Variants in RAVER1 observed in about 807,000 individuals in gnomAD.
RAVER1 encodes the protein ribonucleoprotein PTB-binding 1.
Under a neutral mutation model 68.4 loss-of-function variants are expected in RAVER1, and 36 were observed. The observed-to-expected ratio is 0.53, with a 90% CI of 0.40 to 0.70. The LOEUF (loss-of-function observed/expected upper bound fraction) is 0.70, where lower values mean the gene tolerates loss of function less well. RAVER1 is among the 30% of genes least tolerant of loss of function. The probability of loss-of-function intolerance (pLI) is 0.00; values close to 1 mark genes in which losing one functional copy is unlikely to be tolerated. For synonymous variants in RAVER1, 469 were observed against 472.7 expected (o/e 0.99, Z 0.10); for missense variants, 933 against 1,019.8 (o/e 0.91, Z 1.16).
At position 10,320,816 on chromosome 19, in the gene RAVER1, G is replaced by T; in HGVS notation, c.1609C>A (p.Arg537Ser). 1.3e-6 allele frequency: 2 copies of T among 1,526,400 alleles called. No individual in the cohort carries two copies. Among genetic ancestry groups the T allele is most frequent in the Non-Finnish European group, 1.7e-6 (2 of 1,144,450 alleles). 94.6% of individuals were successfully genotyped at this position (1,526,400 alleles called of 1,614,324 possible). ...RGWGGAGRSR[R>S]PAEGPPTNPP... The stretch of plus-strand genomic sequence containing the variant: ...TTAGTTGGGGGGCCCTCAGCTGGGC[G>T]GCGGCTTCTCCCGGCGCCTCCCCAG... The change falls in exon 9 of 13, where the codon CGC becomes AGC. Residue 537 changes from arginine to serine, a missense_variant. By Grantham distance (110) the Arg-to-Ser change is moderately radical. Coordinates refer to ENST00000617231, the MANE Select transcript of RAVER1 (RefSeq NM_133452.3).
intron 3 of RAVER1, among the ~76,000 whole-genome samples, chr19:10,327,698 C>T (rs771984653): frequency 6.6e-6 from 1 of 152,176 alleles, no homozygotes; most frequent in African/African-American, 2.4e-5. Flanking sequence ...GCCTTGGTAT[C>T]CTCACCTGAA....
intron 3 of RAVER1, among the ~76,000 whole-genome samples, chr19:10,324,371 C>A (rs909471057): frequency 6.6e-6 from 1 of 152,062 alleles, no homozygotes; most frequent in Non-Finnish European, 1.5e-5. Flanking sequence ...ATAACCAAAC[C>A]TGTCGGCTTT....
chr19:10,324,770 G>A (rs2040463042), intron 3 of RAVER1, among the ~76,000 whole-genome samples: 1 of 152,168 alleles, frequency 6.6e-6, no homozygotes, highest in African/African-American at 2.4e-5. Context: ...AGGGACTGAT[G>A]TGTGAACCTC....
intron 3 of RAVER1, among the ~76,000 whole-genome samples, chr19:10,324,275 T>A (rs1167136159): frequency 6.6e-6 from 1 of 152,170 alleles, no homozygotes; most frequent in Non-Finnish European, 1.5e-5. Context: ...CACCGGCACT[T>A]GCTGAATGCC....
chr19:10,319,054 C>T, intron 10 of RAVER1, 112 bp downstream of exon 10: 2 of 1,023,352 alleles, frequency 2.0e-6, no homozygotes, highest in Non-Finnish European at 2.9e-6. Flanking sequence ...TAAAAAAACC[C>T]ACAAAGAACA....
rs757777173 is a variant in RAVER1 at position 10,320,819 on chromosome 19, G to A, written c.1606C>T (p.Arg536Cys). The A allele has an allele frequency of 2.0e-5, 31 of 1,522,188 alleles. No individual in the cohort carries two copies. The Admixed American group carries it at 2.4e-4, about 12-fold the overall frequency. 94.3% of individuals were successfully genotyped at this position (1,522,188 alleles called of 1,614,324 possible). The stretch of plus-strand genomic sequence containing the variant: ...GTTGGGGGGCCCTCAGCTGGGCGGC[G>A]GCTTCTCCCGGCGCCTCCCCAGCCC... ...ARGWGGAGRSRRPAEGPPTNP... is the reference protein window; with the variant it reads ...ARGWGGAGRSCRPAEGPPTNP... Residue 536 changes from arginine (R) to cysteine (C), a missense_variant, in exon 9 of 13, where the codon CGC becomes TGC. Arg to Cys is a radical substitution (Grantham distance 180). This residue lies in a region of RAVER1 where 699 missense variants were observed against 731.1 expected (regional missense o/e 0.96). Coordinates refer to ENST00000617231, the MANE Select transcript of RAVER1 (RefSeq NM_133452.3).
chr19:10,318,810 A>G (rs1411727913), intron 10 of RAVER1, among the ~76,000 whole-genome samples: 1 of 152,214 alleles, frequency 6.6e-6, no homozygotes, highest in African/African-American at 2.4e-5. Context: ...GACGCCAAAT[A>G]TGTGAGGCCA....
At chr19:10,321,886 C>T in intron 6 of RAVER1, 1 of 298,394 alleles carries the variant, frequency 3.4e-6, no homozygotes. Flanking sequence ...TGGAATGGGA[C>T]AGCCACACAG....
At chr19:10,320,624 A>AG (rs34942709) in intron 9 of RAVER1, 31 bp downstream of exon 9, 244,674 of 1,526,148 alleles carry the variant, frequency 0.16, 21,570 homozygotes, top group Admixed American at 0.33. Flanking sequence ...ATTTGGCCTT[A>AG]GGGGACAGAG....
chr19:10,328,574 G>T lies in RAVER1; in HGVS notation c.756+68C>A. ...CAAAAAAAAAAAAGAAAAGGCAGAT[G>T]ACTCCAAAGACTCTCTCAGGTGCTC... On this transcript the variant is annotated intron_variant, in intron 3 of 12. Coordinates refer to ENST00000617231, the MANE Select transcript of RAVER1 (RefSeq NM_133452.3). The surrounding 1 kb of genome is among the most constrained non-coding windows in gnomAD (Gnocchi z 4.4). 7.0e-6 allele frequency: 7 copies of T among 1,002,886 alleles called. No individual in the cohort carries two copies. Among genetic ancestry groups the T allele is most frequent in the South Asian group, 1.7e-5 (1 of 60,210 alleles). 62.1% of individuals were successfully genotyped at this position (1,002,886 alleles called of 1,614,324 possible).
Position 10,317,640 on chromosome 19 carries a change from TG to T in RAVER1, c.2074-41del. On this transcript the variant is annotated intron_variant, in intron 12 of 12. Transcript: ENST00000617231. This position sits in a 1 kb window ranked among gnomAD's most constrained non-coding sequence, Gnocchi z 4.3. ...CAGGGCGGGGCGGGTCAGGGGCCGC[TG>T]GGGGGCCGGGGCTTCCCAGCCCTGC... is the stretch of plus-strand genomic sequence containing the variant. 1 of 1,542,098 alleles carries T rather than the reference TG, an allele frequency of 6.5e-7. No homozygotes were observed. Among genetic ancestry groups the T allele is most frequent in the Non-Finnish European group, 8.8e-7 (1 of 1,135,344 alleles).
chr19:10,319,212 T>C lies in RAVER1; in HGVS notation c.1799A>G (p.His600Arg). 6.2e-7 allele frequency: 1 copy of C among 1,613,666 alleles called. No homozygotes were observed. Among genetic ancestry groups the C allele is most frequent in the Non-Finnish European group, 8.5e-7 (1 of 1,179,734 alleles). The change falls in exon 10 of 13, where the codon CAC becomes CGC. Residue 600 changes from histidine (H) to arginine (R), a missense_variant. By Grantham distance (29) the His-to-Arg change is conservative. Transcript: ENST00000617231. ...SDMGPRRLFS[H>R]PREPALGPHG... ...AGGCCCAAGGGCTGGTTCCCGTGGG[T>C]GGGAGAAGAGCCGCCGAGGTCCCAT...
At chr19:10,321,797 A>G (rs778966399) in intron 6 of RAVER1, 179 bp from the exon 7 acceptor site, 13 of 417,578 alleles carry the variant, frequency 3.1e-5, no homozygotes, top group Non-Finnish European at 5.0e-5. Flanking sequence ...CCCATCAGCC[A>G]TGGTGACCGA....
chr19:10,324,524 G>A (rs2040461643), intron 3 of RAVER1, among the ~76,000 whole-genome samples: 1 of 152,034 alleles, frequency 6.6e-6, no homozygotes, highest in East Asian at 1.9e-4. Flanking sequence ...GATTACAGGT[G>A]TGCACCACCA....
rs1207632074 is a variant in RAVER1 at position 10,317,596 on chromosome 19, G to A, written c.2078C>T (p.Pro693Leu). Reference sequence around the variant, plus strand: ...AAAGCTGCGTTTCTGGCCGCCCAGTGGGGTCTGGAGACAGAGGGCAGGGCG... The same window carrying A: ...AAAGCTGCGTTTCTGGCCGCCCAGTAGGGTCTGGAGACAGAGGGCAGGGCG... ...PNGHSHLLKT[P>L]LGGQKRSFAH... Residue 693 changes from proline to leucine, a missense_variant, in exon 13 of 13, where the codon CCA becomes CTA. Around this residue, in one of 3 missense-constraint regions of RAVER1, gnomAD observed 699 missense variants for 731.1 expected, o/e 0.96. Transcript: ENST00000617231. This position sits in a 1 kb window ranked among gnomAD's most constrained non-coding sequence, Gnocchi z 4.3. The A allele has an allele frequency of 6.2e-7, 1 of 1,607,432 alleles. No homozygotes were observed. Among genetic ancestry groups the A allele is most frequent in the Non-Finnish European group, 8.5e-7 (1 of 1,177,498 alleles).
At chr19:10,332,122 G>A (rs1386389254) in intron 1 of RAVER1, among the ~76,000 whole-genome samples, 1 of 152,106 alleles carries the variant, frequency 6.6e-6, no homozygotes, top group Non-Finnish European at 1.5e-5. Flanking sequence ...AGCCTCCTGC[G>A]TAGCTGGGAC....
At chr19:10,320,984 C>T in intron 8 of RAVER1, 33 bp from the exon 9 acceptor site, 1 of 1,486,226 alleles carries the variant, frequency 6.7e-7, no homozygotes, top group Non-Finnish European at 8.9e-7. Flanking sequence ...GAGAGGGCCC[C>T]CGGGAGAGGG....
At position 10,330,121 on chromosome 19, in the gene RAVER1, C is replaced by CA. The variant is rs548215492; in HGVS notation, c.286+338dup. Among the ~76,000 whole-genome samples, 424 of 85,126 alleles carry CA rather than the reference C, an allele frequency of 5.0e-3. 1 individual carries two copies. Among genetic ancestry groups the CA allele is most frequent in the East Asian group, 0.029 (92 of 3,152 alleles). 55.8% of individuals were successfully genotyped at this position (85,126 alleles called of 152,430 possible). On this transcript the variant is annotated intron_variant, in intron 2 of 12. Coordinates refer to ENST00000617231, the MANE Select transcript of RAVER1 (RefSeq NM_133452.3). ...CTGGCGACAGAGCAAGACTCCATCT[C>CA]AAAAAAAAAAAAAAAAAGACCACAC...
chr19:10,331,146 G>A (rs998220918), intron 1 of RAVER1, among the ~76,000 whole-genome samples: 2 of 150,124 alleles, frequency 1.3e-5, no homozygotes, highest in South Asian at 2.1e-4. Context: ...TCAGGAGATC[G>A]AGACCATCCT....
Sources: allele counts gnomAD v4.1 joint callset (sites outside exome capture counted in the v4.1 genomes callset), GRCh38; gene constraint gnomAD v4.1.1; regional missense constraint gnomAD v4.1.1; non-coding constraint Gnocchi (gnomAD v3.1); transcripts MANE v1.5; gene names NCBI Gene and HGNC (gene_info 2026-07-23, HGNC 2026-07-21).